The following GPR149 variants were observed in gnomAD, a reference collection of about 807,000 sequenced individuals.
GPR149 encodes the protein probable G protein-coupled receptor 149.
GPR149 carries 50 observed loss-of-function variants against 50.2 expected under a neutral mutation model. The observed-to-expected ratio is 1.00, with a 90% CI of 0.79 to 1.26. The LOEUF (loss-of-function observed/expected upper bound fraction) is 1.26. Among genes scored for constraint, GPR149 ranks in the 50% most tolerant of loss-of-function variants. GPR149 has a pLI of 0.00. For synonymous variants in GPR149, 405 were observed against 358.2 expected (o/e 1.13, Z -1.48); for missense variants, 983 against 895.4 (o/e 1.10, Z -1.25).
At chr3:154,414,423 G>C (rs531516564) in intron 3 of GPR149, among the ~76,000 whole-genome samples, 1 of 151,956 alleles carries the variant, frequency 6.6e-6, no homozygotes, top group Non-Finnish European at 1.5e-5. Flanking sequence ...AAGAAGAATC[G>C]TAGAAATAGA....
chr3:154,427,087 C>G (rs1712324015), intron 2 of GPR149, among the ~76,000 whole-genome samples: 2 of 152,136 alleles, frequency 1.3e-5, no homozygotes, highest in African/African-American at 4.8e-5. Flanking sequence ...GAGTTTTCAA[C>G]TCCTTTCAGA....
rs1211635673 is a variant in GPR149, at chr3:154,428,802, C to T, written c.814G>A (p.Asp272Asn). The T allele has an allele frequency of 6.2e-7, 1 of 1,613,838 alleles. No individual in the cohort carries two copies. Among genetic ancestry groups the T allele is most frequent in the Non-Finnish European group, 8.5e-7 (1 of 1,180,002 alleles). Residue 272 changes from aspartate to asparagine, a missense_variant, in exon 1 of 4, where the codon GAC becomes AAC. By Grantham distance (23) the Asp-to-Asn change is conservative. Transcript: ENST00000389740. The stretch of plus-strand genomic sequence containing the variant: ...GGCGCACCCGGTCCGAACACGGTGT[C>T]GGAGCTCGGAGAGCATCCCCCAGAG... Reference protein sequence around the residue: ...RRSGGCSPSSDTVFGPGAPAA... With the variant: ...RRSGGCSPSSNTVFGPGAPAA...
In GPR149 at chr3:154,428,777, G is replaced by A. The variant is rs760182306; in HGVS notation, c.839C>T (p.Pro280Leu). 1.2e-6 allele frequency: 2 copies of A among 1,613,702 alleles called. No homozygotes were observed. The highest frequency in any genetic ancestry group is 3.3e-5 in the Admixed American group (2 of 59,996). Residue 280 changes from proline to leucine, a missense_variant, in exon 1 of 4, where the codon CCC (proline) becomes CTC (leucine). By Grantham distance (98) the Pro-to-Leu change is moderately conservative. Coordinates refer to ENST00000389740, the MANE Select transcript of GPR149 (RefSeq NM_001038705.3). ...GCAGGCTTCAGCCCCAGCGGCAGCG[G>A]GCGCACCCGGTCCGAACACGGTGTC... The part of the protein sequence containing the change: ...SSDTVFGPGA[P>L]AAAGAEACRR...
At chr3:154,418,291 T>C (rs1437969626) in intron 3 of GPR149, among the ~76,000 whole-genome samples, 1 of 102,704 alleles carries the variant, frequency 9.7e-6, no homozygotes, top group Non-Finnish European at 2.0e-5. Context: ...GAAATACCAT[T>C]TGACCCAGCC....
At chr3:154,427,167 G>A (rs1203210834) in intron 2 of GPR149, among the ~76,000 whole-genome samples, 1 of 151,966 alleles carries the variant, frequency 6.6e-6, no homozygotes, top group Admixed American at 6.6e-5. Context: ...ACTTGGGAGG[G>A]GAATATATTT....
chr3:154,395,664 T>C (rs959992468), intron 3 of GPR149, among the ~76,000 whole-genome samples: 6 of 152,054 alleles, frequency 3.9e-5, no homozygotes, highest in Admixed American at 2.0e-4. Flanking sequence ...GGCATGGTGG[T>C]GTGTGCCTGT....
In GPR149 at chr3:154,392,531, G is replaced by A. The variant is rs534992073; in HGVS notation, c.1623+28508C>T. On this transcript the variant is annotated intron_variant, in intron 3 of 3. Coordinates refer to ENST00000389740, the MANE Select transcript of GPR149 (RefSeq NM_001038705.3). ...ACCTAACTTTACGTCTCAAGAAGCT[G>A]AAAAAGAAGAACAAACTAAGGCCAA... Among the ~76,000 whole-genome samples, 1,006 of 151,630 alleles carry A rather than the reference G, an allele frequency of 6.6e-3. 5 individuals are homozygous for A. Among genetic ancestry groups the A allele is most frequent in the Non-Finnish European group, 0.012 (801 of 67,732 alleles).
At chr3:154,407,324 CTT>C (rs949946696) in intron 3 of GPR149, among the ~76,000 whole-genome samples, 1 of 152,024 alleles carries the variant, frequency 6.6e-6, no homozygotes, top group African/African-American at 2.4e-5. Context: ...ACCTAAGTAA[CTT>C]TGGAAGATAA....
chr3:154,425,520 G>A (rs1301682659), intron 2 of GPR149, among the ~76,000 whole-genome samples: 1 of 152,036 alleles, frequency 6.6e-6, no homozygotes, highest in African/African-American at 2.4e-5. Flanking sequence ...ACACATCATT[G>A]TTATTATCAG....
At chr3:154,353,647 C>T in intron 3 of GPR149, 4 of 1,367,118 alleles carry the variant, frequency 2.9e-6, no homozygotes, top group Non-Finnish European at 4.2e-6. Context: ...TCTTTGAAGT[C>T]TTTGGCTACT....
intron 3 of GPR149, among the ~76,000 whole-genome samples, chr3:154,344,836 C>T (rs980564344): frequency 7.9e-5 from 12 of 152,126 alleles, no homozygotes; most frequent in East Asian, 3.9e-4. Flanking sequence ...TCTAGAAATG[C>T]GAGACAACAA....
At chr3:154,354,948 C>A in intron 3 of GPR149, 1 of 190,822 alleles carries the variant, frequency 5.2e-6, no homozygotes. Context: ...CAAGTTTCTG[C>A]ATGAAACCTC....
Position 154,427,726 on chromosome 3 carries a change from C to T in GPR149, c.982-18G>A. 3.1e-6 allele frequency: 5 copies of T among 1,598,392 alleles called. No individual in the cohort carries two copies. Among genetic ancestry groups the T allele is most frequent in the East Asian group, 2.2e-5 (1 of 44,826 alleles). ...ATGTGCATCTGCAAGGGCAAGAGAA[C>T]TTCAGACCTAACCTAAAATTATACT... On this transcript the variant is annotated intron_variant, in intron 1 of 3. Coordinates refer to ENST00000389740, the MANE Select transcript of GPR149 (RefSeq NM_001038705.3).
chr3:154,382,484 C>G (rs369481646), intron 3 of GPR149, among the ~76,000 whole-genome samples: 7 of 152,132 alleles, frequency 4.6e-5, no homozygotes, highest in East Asian at 1.9e-4. Context: ...AGTCAATTTG[C>G]AGAAAGCTAA....
intron 3 of GPR149, among the ~76,000 whole-genome samples, chr3:154,348,034 T>A (rs1713976404): frequency 6.6e-6 from 1 of 152,192 alleles, no homozygotes; most frequent in African/African-American, 2.4e-5. Context: ...TTGCAAAATA[T>A]AAAGATTAAA....
chr3:154,428,568 C>G, intron 1 of GPR149, 67 bp downstream of exon 1: 1 of 1,513,218 alleles, frequency 6.6e-7, no homozygotes, highest in Non-Finnish European at 8.9e-7. Context: ...CCGGCGACGC[C>G]GGTCCCAACA....
In GPR149 at chr3:154,427,671, C is replaced by T. The variant is rs1358888597; in HGVS notation, c.1019G>A (p.Ser340Asn). 3.7e-6 allele frequency: 6 copies of T among 1,613,684 alleles called. No homozygotes were observed. Among genetic ancestry groups the T allele is most frequent in the African/African-American group, 1.3e-5 (1 of 74,926 alleles). ...AAAGCTGAATGTCTCCAAGGGAAGG[C>T]TCTGAAACCCCACGACGTTCTGGAC... is the stretch of plus-strand genomic sequence containing the variant. ...MVVQNVVGFQ[S>N]LPLETFSFLL... The change falls in exon 2 of 4, where the codon AGC becomes AAC. Residue 340 changes from serine (S) to asparagine (N), a missense_variant. By Grantham distance (46) the Ser-to-Asn change is conservative (BLOSUM62 1). Coordinates refer to ENST00000389740, the MANE Select transcript of GPR149 (RefSeq NM_001038705.3).
intron 3 of GPR149, among the ~76,000 whole-genome samples, chr3:154,405,809 A>G (rs910060831): frequency 6.6e-6 from 1 of 151,890 alleles, no homozygotes; most frequent in African/African-American, 2.4e-5. Context: ...CAAAATAGAA[A>G]TAATTAAGCC....
intron 3 of GPR149, among the ~76,000 whole-genome samples, chr3:154,350,155 C>G (rs917573202): frequency 6.6e-6 from 1 of 151,990 alleles, no homozygotes; most frequent in Non-Finnish European, 1.5e-5. Context: ...CATAATCATG[C>G]CACTGCACCC....
Sources: gnomAD v4.1 joint callset for allele counts (sites outside exome capture counted in the v4.1 genomes callset) on GRCh38, gnomAD v4.1.1 for gene constraint, MANE v1.5 for transcripts, NCBI Gene and HGNC (gene_info 2026-07-23, HGNC 2026-07-21) for gene names.